The following RELN variants were observed in gnomAD, a reference collection of about 807,000 sequenced individuals.
RELN encodes the protein reelin.
In RELN, 108 loss-of-function variants were observed where a neutral mutation model predicts 427.6. The observed-to-expected ratio is 0.25, with a 90% CI of 0.22 to 0.30. The LOEUF is 0.30. Among genes scored for constraint, RELN ranks in the 10% least tolerant of loss-of-function variants. RELN has a pLI of 1.00. For missense variants in RELN, 3,715 were observed against 4,302.8 expected, an observed-to-expected ratio of 0.86 and a Z score of 3.82; for synonymous variants, 1,524 against 1,513.4, an observed-to-expected ratio of 1.01 and a Z score of -0.16.
At chr7:103,871,946 A>C (rs543667597) in intron 2 of RELN, among the ~76,000 whole-genome samples, 1 of 151,658 alleles carries the variant, frequency 6.6e-6, no homozygotes, top group Non-Finnish European at 1.5e-5. Flanking sequence ...CGCAAAGTAA[A>C]CCAATGAGAT....
chr7:103,480,211 T>C (rs1828184158), intron 63 of RELN, among the ~76,000 whole-genome samples: 1 of 152,166 alleles, frequency 6.6e-6, no homozygotes, highest in Admixed American at 6.5e-5. Flanking sequence ...TAATAGGGGT[T>C]TATGGAGGTA....
At chr7:103,547,279 GAT>G (rs1285696578) in intron 41 of RELN, among the ~76,000 whole-genome samples, 5 of 152,188 alleles carry the variant, frequency 3.3e-5, no homozygotes, top group Non-Finnish European at 5.9e-5. Context: ...TAAAGCGACA[GAT>G]TCAAGTTCCT....
At chr7:103,777,960 T>A (rs1002397846) in intron 3 of RELN, among the ~76,000 whole-genome samples, 2 of 149,634 alleles carry the variant, frequency 1.3e-5, no homozygotes, top group South Asian at 4.2e-4. Context: ...GGAGATACAA[T>A]TGGAGAGAAA....
chr7:103,926,696 G>T (rs1795749839), intron 1 of RELN, among the ~76,000 whole-genome samples: 1 of 138,946 alleles, frequency 7.2e-6, no homozygotes, highest in African/African-American at 2.7e-5. Context: ...CCAGGCTAGA[G>T]GGCAGTGGCC....
intron 3 of RELN, among the ~76,000 whole-genome samples, chr7:103,789,770 T>C (rs1792111171): frequency 1.3e-5 from 2 of 152,192 alleles, no homozygotes; most frequent in African/African-American, 4.8e-5. Flanking sequence ...TAGAAGACAA[T>C]GTGGTGATTC....
chr7:103,529,901 C>A (rs903965860), intron 46 of RELN, among the ~76,000 whole-genome samples: 1 of 152,040 alleles, frequency 6.6e-6, no homozygotes, highest in African/African-American at 2.4e-5. Context: ...CCATCTCTTC[C>A]TGCTTGTTAA....
At chr7:103,859,514 C>T (rs1382933404) in intron 2 of RELN, among the ~76,000 whole-genome samples, 7 of 152,078 alleles carry the variant, frequency 4.6e-5, no homozygotes, top group African/African-American at 9.7e-5. Context: ...AGGATGGTCT[C>T]GATCTCCTGA....
chr7:103,559,488 T>C (rs1562890747), intron 36 of RELN, among the ~76,000 whole-genome samples: 1 of 152,216 alleles, frequency 6.6e-6, no homozygotes, highest in African/African-American at 2.4e-5. Flanking sequence ...GTTCGGTCCA[T>C]GATACCTAAC....
intron 63 of RELN, among the ~76,000 whole-genome samples, chr7:103,478,700 CT>C (rs1298348175): frequency 6.6e-6 from 1 of 152,058 alleles, no homozygotes; most frequent in Non-Finnish European, 1.5e-5. Context: ...ATATTAATAG[CT>C]TAATAACTAC....
intron 2 of RELN, among the ~76,000 whole-genome samples, chr7:103,888,243 A>AT (rs1183406332): frequency 6.6e-5 from 7 of 105,838 alleles, no homozygotes; most frequent in South Asian, 2.7e-4. Context: ...TAAGAAAAAA[A>AT]AATATATATA....
intron 8 of RELN, 108 bp downstream of exon 8, chr7:103,723,032 T>C (rs1218679085): frequency 1.4e-6 from 1 of 717,564 alleles, no homozygotes; most frequent in East Asian, 2.6e-5. Context: ...AATTAAGACT[T>C]ACTATTCTGT....
rs77513806 is a variant in RELN at position 103,799,547 on chromosome 7, G to A, written c.474-22920C>T. On this transcript the variant is annotated intron_variant, in intron 3 of 64. Transcript: ENST00000428762. The stretch of plus-strand genomic sequence containing the variant: ...CACATGCTGTCCAATTATGTCTGGG[G>A]GAATCCTCTTTCCTGGCCAATTCCA... 3.4e-3 allele frequency among the ~76,000 whole-genome samples: 511 copies of A among 152,166 alleles called. 7 individuals carry two copies. Among genetic ancestry groups the A allele is most frequent in the African/African-American group, 0.012 (480 of 41,518 alleles).
At position 103,603,223 on chromosome 7, in the gene RELN, T is replaced by C; in HGVS notation, c.3333+81A>G. 1 of 1,170,506 alleles carries C rather than the reference T, an allele frequency of 8.5e-7. No individual in the cohort carries two copies. Among genetic ancestry groups the C allele is most frequent in the South Asian group, 1.2e-5 (1 of 81,540 alleles). The allele number at this position is 1,170,506 out of a possible 1,614,324, so 72.5% of individuals were successfully genotyped here. A position where few individuals can be genotyped will look rare whatever the true frequency, so the allele number is the denominator to read the frequency against. On this transcript the variant is annotated intron_variant, in intron 24 of 64. Coordinates refer to ENST00000428762, the MANE Select transcript of RELN (RefSeq NM_005045.4). The surrounding 1 kb of genome is among the most constrained non-coding windows in gnomAD (Gnocchi z 4.3). ...GAACGTGGGGAACAATAGAACCACT[T>C]CATATTTGTACATTTGGAATTCAGA...
At chr7:103,477,043 T>G (rs1321199950) in intron 64 of RELN, among the ~76,000 whole-genome samples, 1 of 152,222 alleles carries the variant, frequency 6.6e-6, no homozygotes, top group Non-Finnish European at 1.5e-5. Context: ...CATTTTTAAA[T>G]TCTTCCATTA....
intron 3 of RELN, among the ~76,000 whole-genome samples, chr7:103,799,747 T>C (rs752166976): frequency 6.6e-6 from 1 of 152,196 alleles, no homozygotes; most frequent in Non-Finnish European, 1.5e-5. Flanking sequence ...AGCGTTCTAT[T>C]TGTGTATAGC....
At chr7:103,842,259 T>TA (rs889547579) in intron 2 of RELN, among the ~76,000 whole-genome samples, 1,443 of 133,818 alleles carry the variant, frequency 0.011, 21 homozygotes, top group African/African-American at 0.032. Flanking sequence ...CATCAGTTAA[T>TA]AAAAAAAAAA....
At chr7:103,586,090 C>A (rs1294518841) in intron 28 of RELN, among the ~76,000 whole-genome samples, 1 of 152,098 alleles carries the variant, frequency 6.6e-6, no homozygotes, top group African/African-American at 2.4e-5. Flanking sequence ...CCAGGCCGGG[C>A]GTGATGGCTC....
At chr7:103,480,167 C>CA (rs1264140283) in intron 63 of RELN, among the ~76,000 whole-genome samples, 1 of 152,062 alleles carries the variant, frequency 6.6e-6, no homozygotes, top group Admixed American at 6.6e-5. Context: ...TGTTCTGATA[C>CA]AAAAATGCAG....
chr7:103,836,552 T>TCAG (rs1211655833), intron 2 of RELN, among the ~76,000 whole-genome samples: 1 of 152,174 alleles, frequency 6.6e-6, no homozygotes, highest in Non-Finnish European at 1.5e-5. Context: ...AACCTCAGTT[T>TCAG]CAGCACTTCT....
Sources: gnomAD v4.1 joint callset for allele counts (sites outside exome capture counted in the v4.1 genomes callset) on GRCh38, gnomAD v4.1.1 for gene constraint, Gnocchi (gnomAD v3.1) non-coding constraint, MANE v1.5 for transcripts, NCBI Gene and HGNC (gene_info 2026-07-23, HGNC 2026-07-21) for gene names.